EXD3: variants seen among roughly 807,000 people sequenced by gnomAD.
EXD3 encodes the protein exonuclease mut-7 homolog.
Under a neutral mutation model 98.0 loss-of-function variants are expected in EXD3, and 92 were observed. The ratio of observed to expected loss-of-function variants is 0.94; its 90% CI spans 0.79 to 1.12. The LOEUF (loss-of-function observed/expected upper bound fraction) is 1.12, where lower values mean the gene tolerates loss of function less well. Among genes scored for constraint, EXD3 ranks in the 50% most tolerant of loss-of-function variants. The pLI is 0.00. For synonymous variants in EXD3, 569 were observed against 526.0 expected, an observed-to-expected ratio of 1.08 and a Z score of -1.12; for missense variants, 1,222 against 1,191.6, an observed-to-expected ratio of 1.03 and a Z score of -0.38.
intron 3 of EXD3, among the ~76,000 whole-genome samples, chr9:137,381,961 C>T (rs1184900453): frequency 6.6e-6 from 1 of 150,548 alleles, no homozygotes; most frequent in Non-Finnish European, 1.5e-5. Context: ...GGTGAGGGCG[C>T]AGGGAGGAGG....
intron 17 of EXD3, among the ~76,000 whole-genome samples, chr9:137,337,861 C>T (rs1489933900): frequency 2.0e-5 from 3 of 151,632 alleles, no homozygotes; most frequent in East Asian, 3.9e-4. Flanking sequence ...AATCTTGGCT[C>T]ACTGCAAGCT....
At chr9:137,339,143 A>C (rs1464340280) in intron 17 of EXD3, among the ~76,000 whole-genome samples, 1 of 152,164 alleles carries the variant, frequency 6.6e-6, no homozygotes, top group African/African-American at 2.4e-5. Flanking sequence ...AAGTGGTTCT[A>C]TAACTATTAA....
At chr9:137,388,472 CTG>C (rs1178732325) in intron 2 of EXD3, among the ~76,000 whole-genome samples, 4 of 152,294 alleles carry the variant, frequency 2.6e-5, no homozygotes, top group Admixed American at 6.5e-5. Flanking sequence ...ACGCGGGAAA[CTG>C]TGGGCTGTGG....
At position 137,329,498 on chromosome 9, in the gene EXD3, C is replaced by CACACGGGACT. The variant is rs1832817612; in HGVS notation, c.1999-5365_1999-5356dup. Among the ~76,000 whole-genome samples the CACACGGGACT allele has an allele frequency of 1.6e-4, 8 of 49,612 alleles. 1 individual carries two copies. Among genetic ancestry groups the CACACGGGACT allele is most frequent in the East Asian group, 1.1e-3 (1 of 884 alleles). 32.5% of individuals were successfully genotyped at this position (49,612 alleles called of 152,430 possible). A position where few individuals can be genotyped will look rare whatever the true frequency, so the allele number is the denominator to read the frequency against. On this transcript the variant is annotated intron_variant, in intron 17 of 21. Transcript: ENST00000340951. The stretch of plus-strand genomic sequence containing the variant: ...GGAGCTACACGGGACTACACGGGGT[C>CACACGGGACT]ACACGGGACTACACGGGACTACACG...
At chr9:137,419,065 G>A (rs890889684) in intron 1 of EXD3, among the ~76,000 whole-genome samples, 2 of 151,962 alleles carry the variant, frequency 1.3e-5, no homozygotes, top group East Asian at 1.9e-4. Flanking sequence ...TAGGAACCCC[G>A]AGAAGTCCAA....
intron 1 of EXD3, among the ~76,000 whole-genome samples, chr9:137,409,898 T>C (rs983372160): frequency 2.6e-5 from 4 of 152,104 alleles, no homozygotes; most frequent in African/African-American, 4.8e-5. Flanking sequence ...AACTGCTGGC[T>C]GGGCGCGGTG....
chr9:137,369,257 G>A (rs1254809622), intron 5 of EXD3, among the ~76,000 whole-genome samples: 1 of 152,064 alleles, frequency 6.6e-6, no homozygotes, highest in African/African-American at 2.4e-5. Context: ...GTGAGCATGG[G>A]CGCAGGGGCC....
chr9:137,401,152 C>CTTT (rs34114761), intron 1 of EXD3, among the ~76,000 whole-genome samples: 68 of 108,324 alleles, frequency 6.3e-4, no homozygotes, highest in Admixed American at 1.3e-3. Flanking sequence ...CACCCATTTC[C>CTTT]TTTTTTTTTT....
At chr9:137,391,338 C>T (rs1053662447) in intron 2 of EXD3, among the ~76,000 whole-genome samples, 2 of 152,224 alleles carry the variant, frequency 1.3e-5, no homozygotes, top group Non-Finnish European at 2.9e-5. Flanking sequence ...CCGTCTGGAG[C>T]GTGGACGCTG....
intron 19 of EXD3, among the ~76,000 whole-genome samples, chr9:137,318,021 C>T (rs779369669): frequency 3.9e-5 from 6 of 152,046 alleles, no homozygotes; most frequent in South Asian, 2.1e-4. Context: ...TCCTGTCTGT[C>T]CCTCTGTCTA....
rs1837144626 is a variant in EXD3, at chr9:137,395,162, C to T, written c.55+141G>A. On this transcript the variant is annotated intron_variant, in intron 2 of 21. Transcript: ENST00000340951. The surrounding 1 kb of genome is among the most constrained non-coding windows in gnomAD (Gnocchi z 6.5). ...CTCACAAGGTCCCAAGCCGTGGACACTGTAGAGAGGCCCGCAGCTAGGGGC... is the reference window on the plus strand; with the variant it reads ...CTCACAAGGTCCCAAGCCGTGGACATTGTAGAGAGGCCCGCAGCTAGGGGC... 4 of 759,210 alleles carry T rather than the reference C, an allele frequency of 5.3e-6. No homozygotes were observed. In the South Asian group the frequency reaches 6.3e-5, roughly 12 times the overall value. The allele number at this position is 759,210 out of a possible 1,614,324, so 47.0% of individuals were successfully genotyped here.
chr9:137,348,005 T>G (rs1588311276), intron 17 of EXD3, 66 bp downstream of exon 17: 1 of 1,498,540 alleles, frequency 6.7e-7, no homozygotes, highest in Non-Finnish European at 9.0e-7. Flanking sequence ...ATGCTAGGGG[T>G]GGGCACACCT....
intron 1 of EXD3, among the ~76,000 whole-genome samples, chr9:137,418,605 C>T (rs555150366): frequency 2.6e-5 from 4 of 152,154 alleles, no homozygotes; most frequent in Non-Finnish European, 5.9e-5. Context: ...ATTAGGGTCA[C>T]GAAGTTAACA....
chr9:137,349,239 G>A lies in EXD3; in HGVS notation c.1701C>T (p.Cys567=). Residue 567 remains cysteine (C), a synonymous_variant, in exon 16 of 22, where the codon TGC becomes TGT. Coordinates refer to ENST00000340951, the MANE Select transcript of EXD3 (RefSeq NM_017820.5). The surrounding 1 kb of genome is among the most constrained non-coding windows in gnomAD (Gnocchi z 7.4). ...YCLLEVHQAL[C]REPARFHLSE... is the part of the protein sequence containing the mutation. ...ACAGGTGGAAGCGGGCGGGCTCTCT[G>A]CACAGGGCTTGGTGCACCTCCAGCA... 2 of 1,575,152 alleles carry A rather than the reference G, an allele frequency of 1.3e-6. No homozygotes were observed. The highest frequency in any genetic ancestry group is 1.1e-5 in the South Asian group (1 of 87,304).
chr9:137,405,374 C>A lies in EXD3; in HGVS notation c.-47-9970G>T, dbSNP rs1211073402. 1.3e-5 allele frequency among the ~76,000 whole-genome samples: 2 copies of A among 152,236 alleles called. No individual in the cohort carries two copies. Among genetic ancestry groups the A allele is most frequent in the African/African-American group, 4.8e-5 (2 of 41,468 alleles). On this transcript the variant is annotated intron_variant, in intron 1 of 21. Coordinates refer to ENST00000340951, the MANE Select transcript of EXD3 (RefSeq NM_017820.5). The surrounding 1 kb of genome is among the most constrained non-coding windows in gnomAD (Gnocchi z 4.1). ...CCCTGGACCACAGGACCAACGGGGG[C>A]AGGGTGGGCCCCCCACACAGGTCCT... is the stretch of plus-strand genomic sequence containing the variant.
Position 137,420,746 on chromosome 9 carries a change from C to CCCA in EXD3, c.-48+2365_-48+2367dup, listed in dbSNP as rs1554743376. Among the ~76,000 whole-genome samples, 5 of 147,766 alleles carry CCCA rather than the reference C, an allele frequency of 3.4e-5. 1 individual carries two copies. The highest frequency in any genetic ancestry group is 4.5e-4 in the South Asian group (2 of 4,416). On this transcript the variant is annotated intron_variant, in intron 1 of 21. Coordinates refer to ENST00000340951, the MANE Select transcript of EXD3 (RefSeq NM_017820.5). ...TGGAGGACAGACATTCACCCCCCCC[C>CCCA]CCAAATTCATACAGGTATTATACAT...
intron 17 of EXD3, among the ~76,000 whole-genome samples, chr9:137,346,864 A>T (rs879877148): frequency 6.6e-6 from 1 of 152,128 alleles, no homozygotes. Context: ...CCCAGGCTGG[A>T]GTGCAGTGGT....
chr9:137,413,117 C>T (rs73565522), intron 1 of EXD3, among the ~76,000 whole-genome samples: 2,779 of 152,258 alleles, frequency 0.018, 75 homozygotes, highest in African/African-American at 0.063. Flanking sequence ...ATATAATTCA[C>T]ATACCATAAA....
At chr9:137,354,189 C>A in intron 10 of EXD3, 150 bp downstream of exon 10, 1 of 1,452,960 alleles carries the variant, frequency 6.9e-7, no homozygotes, top group South Asian at 1.3e-5. Context: ...CACCCGCCTG[C>A]CAGCCACACG....
Sources: gnomAD v4.1 joint callset for allele counts (sites outside exome capture counted in the v4.1 genomes callset) on GRCh38, gnomAD v4.1.1 for gene constraint, Gnocchi (gnomAD v3.1) non-coding constraint, MANE v1.5 for transcripts, NCBI Gene and HGNC (gene_info 2026-07-23, HGNC 2026-07-21) for gene names.